TTYH3: variants seen among roughly 807,000 people sequenced by gnomAD.
TTYH3 encodes protein tweety homolog 3.
In TTYH3, 23 loss-of-function variants were observed where a neutral mutation model predicts 68.2. The ratio of observed to expected loss-of-function variants is 0.34; its 90% CI spans 0.24 to 0.48. The LOEUF is 0.48. Ranked by LOEUF, TTYH3 falls within the 20% of genes least tolerant of loss-of-function variation. TTYH3 has a pLI of 0.99. For synonymous variants in TTYH3, 360 were observed against 332.8 expected (o/e 1.08, Z -0.89); for missense variants, 768 against 727.7 (o/e 1.06, Z -0.64).
chr7:2,659,792 C>T, intron 13 of TTYH3: 2 of 1,094,794 alleles, frequency 1.8e-6, no homozygotes, highest in Non-Finnish European at 2.4e-6. Context: ...AGGTTCAGGC[C>T]ACACAGGTGC....
chr7:2,649,792 C>G, intron 6 of TTYH3, 121 bp from the exon 7 acceptor site: 4 of 1,427,846 alleles, frequency 2.8e-6, no homozygotes, highest in South Asian at 1.2e-5. Flanking sequence ...ACCTGTAACC[C>G]CAGATTCACA....
At chr7:2,640,404 G>GT (rs1554328389) in intron 1 of TTYH3, among the ~76,000 whole-genome samples, 123 of 61,414 alleles carry the variant, frequency 2.0e-3, no homozygotes, top group East Asian at 0.011. Flanking sequence ...GTGTGTGTGT[G>GT]GGGGGGGACG....
chr7:2,647,890 G>T, intron 4 of TTYH3, 69 bp from the exon 5 acceptor site: 1 of 1,564,082 alleles, frequency 6.4e-7, no homozygotes, highest in Non-Finnish European at 8.7e-7. Context: ...TCCCCCTCAA[G>T]GGCCCCTGGC....
rs181630583 is a variant in TTYH3, at chr7:2,662,145, C to T, written c.*406C>T. On this transcript the variant is annotated 3_prime_UTR_variant, in exon 14 of 14. Transcript: ENST00000258796. ...TGGACCCCTTCTTAGTTCACAGGCA[C>T]GGCTGGGGCCGCTCTGTGCTGGCGC... is the stretch of plus-strand genomic sequence containing the variant. The T allele has an allele frequency of 2.7e-5, 10 of 370,840 alleles. No individual in the cohort carries two copies. The highest frequency in any genetic ancestry group is 1.3e-4 in the East Asian group (2 of 15,078). The allele number at this position is 370,840 out of a possible 1,614,324, so 23.0% of individuals were successfully genotyped here. A position where few individuals can be genotyped will look rare whatever the true frequency, so the allele number is the denominator to read the frequency against.
intron 1 of TTYH3, among the ~76,000 whole-genome samples, chr7:2,638,593 A>G (rs540592444): frequency 1.3e-5 from 2 of 152,142 alleles, no homozygotes; most frequent in South Asian, 2.1e-4. Context: ...GGAGTTGGGG[A>G]CAGGGACACA....
intron 7 of TTYH3, among the ~76,000 whole-genome samples, chr7:2,651,638 G>A (rs984652622): frequency 6.6e-6 from 1 of 152,256 alleles, no homozygotes; most frequent in Non-Finnish European, 1.5e-5. Context: ...CTCCCAGAAG[G>A]CAGCAAGGCC....
At chr7:2,642,425 C>T (rs539791400) in intron 1 of TTYH3, among the ~76,000 whole-genome samples, 1 of 151,604 alleles carries the variant, frequency 6.6e-6, no homozygotes, top group African/African-American at 2.4e-5. Context: ...GCCTCTAGTC[C>T]CAGCTACTCA....
chr7:2,647,480 G>C lies in TTYH3; in HGVS notation c.468G>C (p.Arg156=). 6.5e-7 allele frequency: 1 copy of C among 1,535,670 alleles called. No individual in the cohort carries two copies. Among genetic ancestry groups the C allele is most frequent in the Non-Finnish European group, 8.7e-7 (1 of 1,144,442 alleles). The stretch of plus-strand genomic sequence containing the variant: ...AGCCCAGCCTGCAGACCCTGGAGCG[G>C]CAGCTGGCCGGGCGGCCCGAGCCCC... ...TAEPSLQTLE[R]QLAGRPEPLR... is the part of the protein sequence containing the mutation. The change falls in exon 4 of 14, where the codon CGG becomes CGC. Residue 156 remains arginine (R), a synonymous_variant. Transcript: ENST00000258796.
rs773933448 is a variant in TTYH3 at position 2,647,112 on chromosome 7, G to A, written c.294-30G>A. 17 of 1,569,092 alleles carry A rather than the reference G, an allele frequency of 1.1e-5. 1 individual carries two copies. In the South Asian group the frequency reaches 1.2e-4, roughly 11 times the overall value. ...GAGTGGGGTGTGTGTGGGTGGGCGG[G>A]GCTACATCTCACGGGCCCGCCCTCT... On this transcript the variant is annotated intron_variant, in intron 2 of 13. Transcript: ENST00000258796.
chr7:2,649,554 G>A lies in TTYH3; in HGVS notation c.723-13G>A, dbSNP rs760905114. 6.4e-7 allele frequency: 1 copy of A among 1,574,062 alleles called. No individual in the cohort carries two copies. The highest frequency in any genetic ancestry group is 1.2e-5 in the South Asian group (1 of 86,956). ...CTGGCCTGGGGGCTGCTGACTGGCT[G>A]TCTCTGCCCCAGGGTCTGCCTGCTG... On this transcript the variant is annotated splice_polypyrimidine_tract_variant and intron_variant, in intron 5 of 13. Coordinates refer to ENST00000258796, the MANE Select transcript of TTYH3 (RefSeq NM_025250.3).
chr7:2,639,025 T>C (rs1785757527), intron 1 of TTYH3, among the ~76,000 whole-genome samples: 1 of 152,052 alleles, frequency 6.6e-6, no homozygotes, highest in African/African-American at 2.4e-5. Flanking sequence ...CCAGGACACC[T>C]GGGGGGTTCT....
At chr7:2,660,118 C>T (rs1786452254) in intron 13 of TTYH3, 2 of 1,236,182 alleles carry the variant, frequency 1.6e-6, no homozygotes, top group Non-Finnish European at 2.1e-6. Context: ...CACTGCCGCC[C>T]TCCCGTCGGC....
At chr7:2,640,082 C>T (rs1362031863) in intron 1 of TTYH3, among the ~76,000 whole-genome samples, 1 of 152,214 alleles carries the variant, frequency 6.6e-6, no homozygotes, top group Non-Finnish European at 1.5e-5. Flanking sequence ...GGACACGGGC[C>T]CTATGTCTTC....
intron 1 of TTYH3, among the ~76,000 whole-genome samples, chr7:2,635,087 TG>T (rs1301161406): frequency 6.6e-6 from 1 of 151,966 alleles, no homozygotes; most frequent in Non-Finnish European, 1.5e-5. Flanking sequence ...TCTGAGTGAA[TG>T]GGGGGCTGTT....
Position 2,652,987 on chromosome 7 carries a change from C to T in TTYH3, c.997C>T (p.Pro333Ser), listed in dbSNP as rs1319283777. The T allele has an allele frequency of 1.3e-6, 2 of 1,574,146 alleles. No homozygotes were observed. The highest frequency in any genetic ancestry group is 1.9e-5 in the Admixed American group (1 of 52,222). Residue 333 changes from proline to serine, a missense_variant, in exon 9 of 14, where the codon CCC becomes TCC. Pro to Ser is a moderately conservative substitution (Grantham distance 74, BLOSUM62 -1). Transcript: ENST00000258796. ...DVVAELLRTV[P>S]WEQPATKDPL... ...CGTGGCTGAGCTTCTGAGGACCGTC[C>T]CCTGGGAGCAGCCGGCCACTAAGGT...
chr7:2,653,959 G>T (rs1786262726), intron 9 of TTYH3, among the ~76,000 whole-genome samples: 1 of 152,206 alleles, frequency 6.6e-6, no homozygotes, highest in Non-Finnish European at 1.5e-5. Context: ...GGGGATCCCT[G>T]CCCCCACACA....
chr7:2,655,239 C>T (rs1019170852), intron 9 of TTYH3, among the ~76,000 whole-genome samples: 2 of 152,106 alleles, frequency 1.3e-5, no homozygotes, highest in African/African-American at 2.4e-5. Context: ...CTTCGCCTCC[C>T]GGCTGAAGCG....
rs576741400 is a variant in TTYH3, at chr7:2,645,826, C to T, written c.124-1027C>T. The stretch of plus-strand genomic sequence containing the variant: ...TCAGTCCCCCACAGGCTCCCAATTT[C>T]CCTACCAGACCTGAAAACCTCAGGA... On this transcript the variant is annotated intron_variant, in intron 1 of 13. Coordinates refer to ENST00000258796, the MANE Select transcript of TTYH3 (RefSeq NM_025250.3). This position sits in a 1 kb window ranked among gnomAD's most constrained non-coding sequence, Gnocchi z 4.8. 2.5e-4 allele frequency: 118 copies of T among 470,936 alleles called. 2 individuals are homozygous for T. The highest frequency in any genetic ancestry group is 1.8e-3 in the South Asian group (114 of 64,564). The allele number at this position is 470,936 out of a possible 1,614,324, so 29.2% of individuals were successfully genotyped here.
chr7:2,657,432 TG>T, intron 11 of TTYH3, among the ~76,000 whole-genome samples: 1 of 151,638 alleles, frequency 6.6e-6, no homozygotes, highest in East Asian at 1.9e-4. Flanking sequence ...ATGGTGATGG[TG>T]ATGGTGATGT....
Sources: gnomAD v4.1 joint callset for allele counts (sites outside exome capture counted in the v4.1 genomes callset) on GRCh38, gnomAD v4.1.1 for gene constraint, Gnocchi (gnomAD v3.1) non-coding constraint, MANE v1.5 for transcripts, NCBI Gene and HGNC (gene_info 2026-07-23, HGNC 2026-07-21) for gene names.